ANKDD1B: variants seen among roughly 807,000 people sequenced by gnomAD.
ANKDD1B encodes ankyrin repeat and death domain containing 1B, also known as ankyrin repeat and death domain-containing protein 1B.
A neutral mutation model predicts 59.7 loss-of-function variants in ANKDD1B; 57 were observed. That is an observed-to-expected ratio of 0.95 (90% confidence interval 0.77 to 1.19). The LOEUF is 1.19. Ranked by LOEUF, ANKDD1B falls within the 50% of genes most tolerant of loss-of-function variation. The pLI is 0.00. For missense variants in ANKDD1B, 602 were observed against 641.9 expected, an observed-to-expected ratio of 0.94 and a Z score of 0.67; for synonymous variants, 216 against 239.5, an observed-to-expected ratio of 0.90 and a Z score of 0.91.
intron 1 of ANKDD1B, among the ~76,000 whole-genome samples, chr5:75,614,959 G>C (rs1561429537): frequency 6.6e-6 from 1 of 152,204 alleles, no homozygotes; most frequent in South Asian, 2.1e-4. Flanking sequence ...GATTTCATAG[G>C]TGGACCATGT....
At chr5:75,630,555 CTG>C (rs1774123699) in intron 5 of ANKDD1B, among the ~76,000 whole-genome samples, 2 of 152,212 alleles carry the variant, frequency 1.3e-5, no homozygotes, top group Non-Finnish European at 2.9e-5. Context: ...TTCTTTCACT[CTG>C]TTATCTATGC....
chr5:75,617,938 G>T, intron 2 of ANKDD1B, among the ~76,000 whole-genome samples: 1 of 152,030 alleles, frequency 6.6e-6, no homozygotes, highest in East Asian at 1.9e-4. Flanking sequence ...GGCAGTAGGG[G>T]GGTGGTGTGG....
At chr5:75,660,895 GCAGTTTTCCCTTCCTTATTTTTACCCAA>G (rs1478829506) in intron 10 of ANKDD1B, among the ~76,000 whole-genome samples, 2 of 152,138 alleles carry the variant, frequency 1.3e-5, no homozygotes, top group Non-Finnish European at 2.9e-5. Context: ...TCCGAAACTT[GCAGTTTTCCCTTCCTTATTTTTACCCAA>G]CAGTTCAATA....
intron 9 of ANKDD1B, among the ~76,000 whole-genome samples, chr5:75,657,922 T>G (rs942850363): frequency 4.0e-5 from 6 of 150,966 alleles, no homozygotes; most frequent in Admixed American, 4.0e-4. Flanking sequence ...AAAGAAATAC[T>G]TTTTGGAAGC....
intron 10 of ANKDD1B, among the ~76,000 whole-genome samples, chr5:75,661,414 A>AAAAAAAAAAAAAAAAG (rs1471501853): frequency 6.8e-5 from 9 of 131,418 alleles, no homozygotes; most frequent in African/African-American, 1.8e-4. Context: ...AAAAAAAAAA[A>AAAAAAAAAAAAAAAAG]AAAAAAAAAA....
intron 10 of ANKDD1B, among the ~76,000 whole-genome samples, chr5:75,661,634 A>G (rs1579976723): frequency 6.6e-6 from 1 of 152,074 alleles, no homozygotes; most frequent in Non-Finnish European, 1.5e-5. Context: ...CCCCAAAGCC[A>G]TTCTGTGGGT....
chr5:75,612,930 G>A (rs1275842693), intron 1 of ANKDD1B, among the ~76,000 whole-genome samples: 1 of 152,146 alleles, frequency 6.6e-6, no homozygotes. Context: ...TCTAATAGTT[G>A]GAGATCAAGC....
At chr5:75,613,291 A>G (rs1251097646) in intron 1 of ANKDD1B, among the ~76,000 whole-genome samples, 2 of 152,224 alleles carry the variant, frequency 1.3e-5, no homozygotes, top group African/African-American at 2.4e-5. Context: ...TTTTTTATGC[A>G]TAGGGTATTA....
intron 1 of ANKDD1B, among the ~76,000 whole-genome samples, chr5:75,612,076 A>G (rs1247523448): frequency 1.3e-5 from 2 of 152,148 alleles, no homozygotes; most frequent in African/African-American, 4.8e-5. Flanking sequence ...ATTAAGGAGG[A>G]GGCTTTTAAA....
At chr5:75,631,011 A>G (rs1349328629) in intron 5 of ANKDD1B, among the ~76,000 whole-genome samples, 1 of 152,196 alleles carries the variant, frequency 6.6e-6, no homozygotes, top group African/African-American at 2.4e-5. Context: ...TCTCGAACCA[A>G]TCACTGTGAC....
At chr5:75,633,011 G>T (rs1223587460) in intron 5 of ANKDD1B, among the ~76,000 whole-genome samples, 1 of 152,038 alleles carries the variant, frequency 6.6e-6, no homozygotes. Context: ...CCCTCTTTTT[G>T]ATTTGTTTAC....
chr5:75,620,495 T>G, intron 3 of ANKDD1B, 82 bp downstream of exon 3: 1 of 731,464 alleles, frequency 1.4e-6, no homozygotes, highest in Non-Finnish European at 2.2e-6. Context: ...ACATCTTTTC[T>G]TCACATACAC....
rs771485180 is a variant in ANKDD1B at position 75,620,332 on chromosome 5, G to A, written c.315G>A (p.Leu105=). Residue 105 remains leucine, a synonymous_variant, in exon 3 of 14, where the codon CTG becomes CTA. Coordinates refer to ENST00000601380, the MANE Select transcript of ANKDD1B (RefSeq NM_001276713.2). ...NVVNNMNRTA[L]HFAVGRNHLS... ...TTCCTCAGATGAACCGCACAGCCCT[G>A]CATTTTGCAGTGGGGAGAAATCATT... is the stretch of plus-strand genomic sequence containing the variant. 2.6e-6 allele frequency: 4 copies of A among 1,530,330 alleles called. No homozygotes were observed. The highest frequency in any genetic ancestry group is 3.5e-6 in the Non-Finnish European group (4 of 1,141,816). The allele number at this position is 1,530,330 out of a possible 1,614,324, so 94.8% of individuals were successfully genotyped here. A position where few individuals can be genotyped will look rare whatever the true frequency, so the allele number is the denominator to read the frequency against.
intron 9 of ANKDD1B, among the ~76,000 whole-genome samples, chr5:75,657,027 C>T (rs907333786): frequency 1.3e-5 from 2 of 152,214 alleles, no homozygotes; most frequent in Non-Finnish European, 2.9e-5. Flanking sequence ...ACCTAGCCTC[C>T]TCCCCTGCCT....
At chr5:75,656,636 A>G (rs1158996665) in intron 9 of ANKDD1B, among the ~76,000 whole-genome samples, 2 of 152,204 alleles carry the variant, frequency 1.3e-5, no homozygotes, top group Non-Finnish European at 2.9e-5. Flanking sequence ...GTAATCCATC[A>G]CTGGCTGGAA....
chr5:75,649,992 T>C (rs887361726), intron 7 of ANKDD1B, among the ~76,000 whole-genome samples: 4 of 152,186 alleles, frequency 2.6e-5, no homozygotes, highest in African/African-American at 9.7e-5. Context: ...AATATATTTT[T>C]TGTGGAATGG....
At chr5:75,619,651 C>T (rs1773796484) in intron 2 of ANKDD1B, among the ~76,000 whole-genome samples, 1 of 152,192 alleles carries the variant, frequency 6.6e-6, no homozygotes, top group Non-Finnish European at 1.5e-5. Context: ...GAATATGACA[C>T]ATATCACTTC....
chr5:75,666,632 C>CA lies in ANKDD1B; in HGVS notation c.1192-148dup, dbSNP rs78464950. 1.5e-3 allele frequency among the ~76,000 whole-genome samples: 86 copies of CA among 56,596 alleles called. 1 individual carries two copies. Among genetic ancestry groups the CA allele is most frequent in the African/African-American group, 4.9e-3 (51 of 10,352 alleles). 37.1% of individuals were successfully genotyped at this position (56,596 alleles called of 152,430 possible). On this transcript the variant is annotated intron_variant, in intron 11 of 13. Coordinates refer to ENST00000601380, the MANE Select transcript of ANKDD1B (RefSeq NM_001276713.2). ...AAGCATTTATTTCCATTTTGGATGG[C>CA]AAAAAAAAAAAATATATATATGATC... is the stretch of plus-strand genomic sequence containing the variant.
chr5:75,652,269 T>C (rs1414752005), intron 7 of ANKDD1B, among the ~76,000 whole-genome samples: 3 of 152,270 alleles, frequency 2.0e-5, no homozygotes, highest in Admixed American at 2.0e-4. Context: ...AGTTTCAACA[T>C]ATGAATTTTG....
Sources: allele counts gnomAD v4.1 joint callset (sites outside exome capture counted in the v4.1 genomes callset), GRCh38; gene constraint gnomAD v4.1.1; transcripts MANE v1.5; gene names NCBI Gene and HGNC (gene_info 2026-07-23, HGNC 2026-07-21).